The following PRPF38A variants were observed in gnomAD, a reference collection of about 807,000 sequenced individuals.
PRPF38A encodes the protein pre-mRNA-splicing factor 38A.
Under a neutral mutation model 46.8 loss-of-function variants are expected in PRPF38A, and 11 were observed. That is an observed-to-expected ratio of 0.24 (90% CI 0.15 to 0.39). PRPF38A has a LOEUF of 0.39. Ranked by LOEUF, PRPF38A falls within the 10% of genes least tolerant of loss-of-function variation. The pLI, the probability that PRPF38A is intolerant of heterozygous loss-of-function variation, is 1.00. For missense variants in PRPF38A, 261 were observed against 407.5 expected, an observed-to-expected ratio of 0.64 and a Z score of 3.10; for synonymous variants, 124 against 136.2, an observed-to-expected ratio of 0.91 and a Z score of 0.62.
Position 52,411,106 on chromosome 1 carries a change from T to A in PRPF38A, c.413-9T>A. ...CCAGGTTGTTTGCTCTAATGACTTT[T>A]TCTTGCAGAGTTTGAATTGATGCAT... is the stretch of plus-strand genomic sequence containing the variant. On this transcript the variant is annotated splice_polypyrimidine_tract_variant and intron_variant, in intron 3 of 9. Coordinates refer to ENST00000257181, the MANE Select transcript of PRPF38A (RefSeq NM_032864.4). 1 of 1,609,284 alleles carries A rather than the reference T, an allele frequency of 6.2e-7. No individual in the cohort carries two copies. Among genetic ancestry groups the A allele is most frequent in the African/African-American group, 1.3e-5 (1 of 74,926 alleles).
chr1:52,410,907 C>T (rs560052764), intron 3 of PRPF38A, among the ~76,000 whole-genome samples: 1 of 152,306 alleles, frequency 6.6e-6, no homozygotes, highest in East Asian at 1.9e-4. Flanking sequence ...ATGATCTCTT[C>T]AAGATCATCC....
chr1:52,409,436 C>T (rs1648088341), intron 3 of PRPF38A: 1 of 152,156 alleles, frequency 6.6e-6, no homozygotes, highest in African/African-American at 2.4e-5. Context: ...TATGGTGAAA[C>T]CCTATATCTA....
At chr1:52,410,230 A>T (rs932021906) in intron 3 of PRPF38A, among the ~76,000 whole-genome samples, 1 of 148,436 alleles carries the variant, frequency 6.7e-6, no homozygotes, top group African/African-American at 2.4e-5. Context: ...TGAACCCGGG[A>T]GGCGGAGGTT....
In PRPF38A at chr1:52,417,061, C is replaced by G. The variant is rs1648314625; in HGVS notation, c.*371C>G. 5.4e-6 allele frequency: 1 copy of G among 186,790 alleles called. No homozygotes were observed. Among genetic ancestry groups the G allele is most frequent in the South Asian group, 1.3e-4 (1 of 7,634 alleles). 11.6% of individuals were successfully genotyped at this position (186,790 alleles called of 1,614,324 possible). On this transcript the variant is annotated 3_prime_UTR_variant, in exon 10 of 10. Coordinates refer to ENST00000257181, the MANE Select transcript of PRPF38A (RefSeq NM_032864.4). ...AGTTTTTGGTTTGTTGTGGTTGGAA[C>G]TGCTTTGAGAATCCTGGGATTTGTG... is the stretch of plus-strand genomic sequence containing the variant.
chr1:52,411,040 T>C, intron 3 of PRPF38A, 75 bp from the exon 4 acceptor site: 1 of 1,066,502 alleles, frequency 9.4e-7, no homozygotes, highest in Non-Finnish European at 1.4e-6. Context: ...ATATGAAGTC[T>C]TAACACTTCT....
At chr1:52,405,528 T>C (rs1009890358) in intron 1 of PRPF38A, 152 bp from the exon 2 acceptor site, 6 of 665,500 alleles carry the variant, frequency 9.0e-6, no homozygotes, top group African/African-American at 3.6e-5. Context: ...TCAATGTATA[T>C]TAGCTGTTGT....
chr1:52,415,574 G>A (rs1648266296), intron 9 of PRPF38A, among the ~76,000 whole-genome samples, 188 bp downstream of exon 9: 1 of 152,182 alleles, frequency 6.6e-6, no homozygotes, highest in East Asian at 1.9e-4. Flanking sequence ...TGAGAACTGA[G>A]TTTCGTGCTT....
chr1:52,414,625 A>C lies in PRPF38A; in HGVS notation c.727A>C (p.Ser243Arg). The change falls in exon 7 of 10, where the codon AGT becomes CGT. Residue 243 changes from serine (S) to arginine (R), a missense_variant. Transcript: ENST00000257181. Reference sequence around the variant, plus strand: ...TTCTTCCTCTCCTCTTTATAGGCGGAGTCGATCTCCCAAAAGGAGAAGGTA... The same window carrying C: ...TTCTTCCTCTCCTCTTTATAGGCGGCGTCGATCTCCCAAAAGGAGAAGGTA... ...RSRSRSPRRR[S>R]RSPKRRSPSP... The C allele has an allele frequency of 6.2e-7, 1 of 1,613,604 alleles. No homozygotes were observed. Among genetic ancestry groups the C allele is most frequent in the Non-Finnish European group, 8.5e-7 (1 of 1,179,996 alleles).
chr1:52,407,852 T>C (rs1189334521), intron 2 of PRPF38A, among the ~76,000 whole-genome samples: 1 of 152,224 alleles, frequency 6.6e-6, no homozygotes, highest in Non-Finnish European at 1.5e-5. Flanking sequence ...GGTCAGGAGT[T>C]TGAGACTAGC....
rs71041898 is a variant in PRPF38A, at chr1:52,415,832, C to CTTTTTTTTTT, written c.896+465_896+474dup. 4.5e-4 allele frequency among the ~76,000 whole-genome samples: 23 copies of CTTTTTTTTTT among 51,610 alleles called. 5 individuals are homozygous for CTTTTTTTTTT. The highest frequency in any genetic ancestry group is 1.9e-3 in the African/African-American group (21 of 10,890). The allele number at this position is 51,610 out of a possible 152,430, so 33.9% of individuals were successfully genotyped here. Reference sequence around the variant, plus strand: ...TGTGCCATATACCGTTGGGTGCACTCTTTTTTTTTTTTTTTTTTTTTTTTT... The same window carrying CTTTTTTTTTT: ...TGTGCCATATACCGTTGGGTGCACTCTTTTTTTTTTTTTTTTTTTTTTTTTTTTTTTTTTT... On this transcript the variant is annotated intron_variant, in intron 9 of 9. Transcript: ENST00000257181.
At chr1:52,411,375 A>G (rs979802076) in intron 4 of PRPF38A, among the ~76,000 whole-genome samples, 175 bp downstream of exon 4, 5 of 152,334 alleles carry the variant, frequency 3.3e-5, no homozygotes, top group Admixed American at 3.3e-4. Context: ...AGGAAAATAG[A>G]TAAAATATTT....
At chr1:52,411,314 A>G in intron 4 of PRPF38A, 114 bp downstream of exon 4, 1 of 688,322 alleles carries the variant, frequency 1.5e-6, no homozygotes, top group Non-Finnish European at 2.5e-6. Context: ...GGGTCCTCTT[A>G]ATGAATAGTC....
intron 1 of PRPF38A, 138 bp downstream of exon 1, chr1:52,405,017 G>A: frequency 3.2e-6 from 3 of 941,700 alleles, no homozygotes; most frequent in Non-Finnish European, 4.9e-6. Context: ...AATTTTGAGT[G>A]CCTGCTAAGT....
Position 52,417,412 on chromosome 1 carries a change from A to G in PRPF38A, c.*722A>G, listed in dbSNP as rs926641352. 4 of 152,214 alleles carry G rather than the reference A, an allele frequency of 2.6e-5. No individual in the cohort carries two copies. Among genetic ancestry groups the G allele is most frequent in the Non-Finnish European group, 5.9e-5 (4 of 68,034 alleles). The allele number at this position is 152,214 out of a possible 1,614,324, so 9.4% of individuals were successfully genotyped here. On this transcript the variant is annotated 3_prime_UTR_variant, in exon 10 of 10. Coordinates refer to ENST00000257181, the MANE Select transcript of PRPF38A (RefSeq NM_032864.4). ...CAGGCCTAGTCAGTAGCAGTAGGGTAACGGGATTGAAAAAGATTTGATGGA... is the reference window on the plus strand; with the variant it reads ...CAGGCCTAGTCAGTAGCAGTAGGGTGACGGGATTGAAAAAGATTTGATGGA...
In PRPF38A at chr1:52,411,045, ACTT is replaced by A. The variant is rs1382083846; in HGVS notation, c.413-66_413-64del. On this transcript the variant is annotated intron_variant, in intron 3 of 9. Coordinates refer to ENST00000257181, the MANE Select transcript of PRPF38A (RefSeq NM_032864.4). ...AGATGTCCTGATATGAAGTCTTAAC[ACTT>A]CTTTTACTTTTTGGCATCTAAATCT... 2.7e-6 allele frequency: 3 copies of A among 1,112,654 alleles called. No homozygotes were observed. In the East Asian group the frequency reaches 7.0e-5, roughly 26 times the overall value. The allele number at this position is 1,112,654 out of a possible 1,614,324, so 68.9% of individuals were successfully genotyped here.
chr1:52,408,717 T>G (rs769188788), intron 3 of PRPF38A, 27 bp downstream of exon 3: 2 of 1,609,946 alleles, frequency 1.2e-6, no homozygotes, highest in South Asian at 2.2e-5. Context: ...GTCTCCTGAT[T>G]GTCATTTTTA....
intron 8 of PRPF38A, 32 bp from the exon 9 acceptor site, chr1:52,415,306 A>T: frequency 6.2e-7 from 1 of 1,606,958 alleles, no homozygotes; most frequent in Non-Finnish European, 8.5e-7. Context: ...GTAGAAGGGT[A>T]GGATCTTATG....
At chr1:52,411,786 G>A (rs1253480699) in intron 4 of PRPF38A, among the ~76,000 whole-genome samples, 1 of 152,130 alleles carries the variant, frequency 6.6e-6, no homozygotes, top group Non-Finnish European at 1.5e-5. Flanking sequence ...CAGCTCTCCT[G>A]TTCCATGTTG....
chr1:52,418,252 TACGGTTTCTG>T lies in PRPF38A; in HGVS notation c.*1564_*1573del. 1 of 152,642 alleles carries T rather than the reference TACGGTTTCTG, an allele frequency of 6.6e-6. No homozygotes were observed. The allele number at this position is 152,642 out of a possible 1,614,324, so 9.5% of individuals were successfully genotyped here. A position where few individuals can be genotyped will look rare whatever the true frequency, so the allele number is the denominator to read the frequency against. ...AATAAAAGTGGTCTGAAAGAGCTCT[TACGGTTTCTG>T]ATAGAACTATATAGGACTACCTTTT... On this transcript the variant is annotated 3_prime_UTR_variant, in exon 10 of 10. Transcript: ENST00000257181.
Sources: gnomAD v4.1 joint callset for allele counts (sites outside exome capture counted in the v4.1 genomes callset) on GRCh38, gnomAD v4.1.1 for gene constraint, MANE v1.5 for transcripts, NCBI Gene and HGNC (gene_info 2026-07-23, HGNC 2026-07-21) for gene names.